Variants in ASB5 observed in about 807,000 individuals in gnomAD.
ASB5 encodes ankyrin repeat and SOCS box protein 5.
In ASB5, 45 loss-of-function variants were observed where a neutral mutation model predicts 42.1. The ratio of observed to expected loss-of-function variants is 1.07; its 90% CI spans 0.84 to 1.37. The LOEUF (loss-of-function observed/expected upper bound fraction) is 1.37, where lower values mean the gene tolerates loss of function less well. Ranked by LOEUF, ASB5 falls within the 40% of genes most tolerant of loss-of-function variation. ASB5 has a pLI of 0.00. For missense variants in ASB5, 402 were observed against 399.8 expected (o/e 1.01, Z -0.05); for synonymous variants, 147 against 150.6 (o/e 0.98, Z 0.18).
intron 1 of ASB5, among the ~76,000 whole-genome samples, chr4:176,259,737 C>T (rs1279950206): frequency 6.6e-6 from 1 of 152,192 alleles, no homozygotes; most frequent in Admixed American, 6.5e-5. Flanking sequence ...CACTTGACAG[C>T]TGAGGTGAGC....
chr4:176,222,489 C>T, intron 2 of ASB5, 69 bp from the exon 3 acceptor site: 1 of 1,301,028 alleles, frequency 7.7e-7, no homozygotes. Flanking sequence ...ATATGGATGT[C>T]ACTAGAGAGT....
In ASB5 at chr4:176,222,353, T is replaced by C. The variant is rs749872909; in HGVS notation, c.344A>G (p.His115Arg). 2 of 1,614,086 alleles carry C rather than the reference T, an allele frequency of 1.2e-6. No homozygotes were observed. The highest frequency in any genetic ancestry group is 3.3e-5 in the Admixed American group (2 of 60,002). Residue 115 changes from histidine to arginine, a missense_variant, in exon 3 of 7, where the codon CAC (histidine) becomes CGC (arginine). Coordinates refer to ENST00000296525, the MANE Select transcript of ASB5 (RefSeq NM_080874.4). ...CAGCAGAGTTCTGGCACATGCCACG[T>C]GATCTCCAAGGCAGGCTTCGTGCAA... ...TPLHEACLGD[H>R]VACARTLLEA...
chr4:176,225,252 A>AAT lies in ASB5; in HGVS notation c.276+8_276+9dup, dbSNP rs757222569. 1.2e-6 allele frequency: 2 copies of AAT among 1,601,808 alleles called. No homozygotes were observed. Among genetic ancestry groups the AAT allele is most frequent in the Non-Finnish European group, 1.7e-6 (2 of 1,168,938 alleles). On this transcript the variant is annotated intron_variant, in intron 2 of 6. Transcript: ENST00000296525. ...AGGGGGTATATTTTAAACTATATGT[A>AAT]ATATATTACCTGTGATAATAATGTT...
chr4:176,249,630 G>A (rs1376307246), intron 1 of ASB5: 1 of 152,174 alleles, frequency 6.6e-6, no homozygotes, highest in Non-Finnish European at 1.5e-5. Flanking sequence ...GGGCATCCGA[G>A]AAGACCTAGG....
intron 2 of ASB5, among the ~76,000 whole-genome samples, chr4:176,275,466 G>A (rs1295511430): frequency 1.3e-5 from 2 of 152,150 alleles, no homozygotes; most frequent in Non-Finnish European, 2.9e-5. Flanking sequence ...TTTTAAACAT[G>A]TTCTTATTAG....
At chr4:176,222,805 C>T (rs1579312425) in intron 2 of ASB5, among the ~76,000 whole-genome samples, 1 of 152,112 alleles carries the variant, frequency 6.6e-6, no homozygotes, top group East Asian at 1.9e-4. Context: ...TGAGATGGAG[C>T]CTCACTCTGT....
intron 5 of ASB5, among the ~76,000 whole-genome samples, chr4:176,220,192 G>T (rs1192560037): frequency 6.6e-6 from 1 of 152,110 alleles, no homozygotes; most frequent in African/African-American, 2.4e-5. Flanking sequence ...ATTCATGGGA[G>T]GGAGAACATA....
intron 1 of ASB5, among the ~76,000 whole-genome samples, chr4:176,229,097 A>G (rs1753454669): frequency 6.6e-6 from 1 of 152,234 alleles, no homozygotes; most frequent in Admixed American, 6.5e-5. Context: ...ATGTGTTTAA[A>G]TTTAAATAAC....
intron 1 of ASB5, among the ~76,000 whole-genome samples, chr4:176,248,204 G>A (rs1039219111): frequency 1.2e-4 from 19 of 152,116 alleles, no homozygotes; most frequent in African/African-American, 4.1e-4. Context: ...ATGGCTCACT[G>A]CAGCCTCACC....
chr4:176,240,029 CAGTG>C (rs1460299431), intron 1 of ASB5, among the ~76,000 whole-genome samples: 6 of 152,102 alleles, frequency 3.9e-5, no homozygotes. Flanking sequence ...AAGAAATGCA[CAGTG>C]AGTGAACGCG....
chr4:176,221,585 T>C lies in ASB5; in HGVS notation c.400A>G (p.Ile134Val). The change falls in exon 4 of 7, where the codon ATA becomes GTA. Residue 134 changes from isoleucine (I) to valine (V), a missense_variant. Transcript: ENST00000296525. ...TTGAATAACGGAGTCACGCCATCTA[T>C]CGTGATTGCATTTACCTAAACCAAA... ...EAGANVNAIT[I>V]DGVTPLFNAC... 1 of 1,612,624 alleles carries C rather than the reference T, an allele frequency of 6.2e-7. No individual in the cohort carries two copies. The highest frequency in any genetic ancestry group is 1.3e-5 in the African/African-American group (1 of 74,990).
chr4:176,221,456 T>G lies in ASB5; in HGVS notation c.529A>C (p.Ser177Arg), dbSNP rs748660120. 1 of 1,612,880 alleles carries G rather than the reference T, an allele frequency of 6.2e-7. No homozygotes were observed. The highest frequency in any genetic ancestry group is 1.7e-5 in the Admixed American group (1 of 59,554). The change falls in exon 4 of 7, where the codon AGT becomes CGT. Residue 177 changes from serine (S) to arginine (R), a missense_variant. Physicochemically the swap from Ser to Arg is moderately radical, Grantham distance 110. Coordinates refer to ENST00000296525, the MANE Select transcript of ASB5 (RefSeq NM_080874.4). ...CLPSPTHEAA[S>R]KGHHECLDIL... ...AATCCCAGAACTAAGTTACCTTTAC[T>G]GGCGGCCTCATGCGTTGGGGATGGA...
intron 5 of ASB5, among the ~76,000 whole-genome samples, chr4:176,219,903 A>G (rs1753152873): frequency 6.6e-6 from 1 of 152,026 alleles, no homozygotes. Context: ...TATTTCTAGC[A>G]AAGGAATGAA....
chr4:176,215,333 G>C lies in ASB5; in HGVS notation c.*267C>G. ...AATCCAAAAGAAAACATAAGATAGT[G>C]ACTTTATTATTTTTTCCTGAATAAA... On this transcript the variant is annotated 3_prime_UTR_variant, in exon 7 of 7. Transcript: ENST00000296525. 4.3e-6 allele frequency: 1 copy of C among 230,620 alleles called. No individual in the cohort carries two copies. The highest frequency in any genetic ancestry group is 8.2e-6 in the Non-Finnish European group (1 of 121,322). 14.3% of individuals were successfully genotyped at this position (230,620 alleles called of 1,614,324 possible).
intron 1 of ASB5, among the ~76,000 whole-genome samples, chr4:176,261,348 C>T (rs1054096597): frequency 6.6e-6 from 1 of 152,174 alleles, no homozygotes; most frequent in Admixed American, 6.5e-5. Context: ...TTATTTCCGT[C>T]ATTAGCTAGC....
intron 1 of ASB5, chr4:176,237,719 A>C (rs1213981148): frequency 2.8e-6 from 1 of 361,668 alleles, no homozygotes; most frequent in Non-Finnish European, 3.9e-6. Flanking sequence ...AGAAAGTAAA[A>C]AGTGGGTATA....
intron 1 of ASB5, among the ~76,000 whole-genome samples, chr4:176,229,841 A>G (rs1447595656): frequency 2.0e-5 from 3 of 152,358 alleles, no homozygotes; most frequent in Non-Finnish European, 4.4e-5. Context: ...AACAAGGCAC[A>G]TGCTATCATT....
rs1208349851 is a variant in ASB5, at chr4:176,264,563, G to A, written c.196+4350C>T. Among the ~76,000 whole-genome samples, 3 of 152,062 alleles carry A rather than the reference G, an allele frequency of 2.0e-5. 1 individual carries two copies. In the East Asian group the frequency reaches 5.8e-4, roughly 29 times the overall value. On this transcript the variant is annotated intron_variant, in intron 1 of 6. Coordinates refer to ENST00000296525, the MANE Select transcript of ASB5 (RefSeq NM_080874.4). ...ATTAAATAAATCAAATGCAAGACTA[G>A]AATTCAGATTCTAACTCCATTACTT...
intron 1 of ASB5, chr4:176,237,373 G>C (rs764699633): frequency 6.1e-6 from 6 of 985,824 alleles, no homozygotes; most frequent in Non-Finnish European, 7.2e-6. Flanking sequence ...TTTTCGTGAG[G>C]ACCTGCTTAA....
Sources: allele counts gnomAD v4.1 joint callset (sites outside exome capture counted in the v4.1 genomes callset), GRCh38; gene constraint gnomAD v4.1.1; transcripts MANE v1.5; gene names NCBI Gene and HGNC (gene_info 2026-07-23, HGNC 2026-07-21).